NKTR: variants seen among roughly 807,000 people sequenced by gnomAD.
NKTR encodes natural killer cell triggering receptor, also known as NK-tumor recognition protein.
A neutral mutation model predicts 156.3 loss-of-function variants in NKTR; 67 were observed. The observed-to-expected ratio is 0.43, with a 90% confidence interval of 0.35 to 0.53. The LOEUF (loss-of-function observed/expected upper bound fraction) is 0.53. NKTR is among the 20% of genes least tolerant of loss of function. The pLI is 0.01. For missense variants in NKTR, 1,604 were observed against 1,730.9 expected (o/e 0.93, Z 1.30); for synonymous variants, 640 against 596.6 (o/e 1.07, Z -1.06).
chr3:42,627,963 CTGGAT>C, intron 6 of NKTR: 3 of 985,270 alleles, frequency 3.0e-6, no homozygotes, highest in Non-Finnish European at 3.6e-6. Flanking sequence ...ATTGAATAGT[CTGGAT>C]TGTGGATATT....
Position 42,601,029 on chromosome 3 carries a change from A to G in NKTR, c.23A>G (p.Gln8Arg). The G allele has an allele frequency of 6.3e-7, 1 of 1,581,342 alleles. No homozygotes were observed. The highest frequency in any genetic ancestry group is 8.6e-7 in the Non-Finnish European group (1 of 1,166,582). The stretch of plus-strand genomic sequence containing the variant: ...GCGATGGGGGCGCAGGACCGGCCGC[A>G]GTGCCACTTCGACATCGAGATCAAC... MGAQDRPQCHFDIEINRE... is the reference protein window; with the variant it reads MGAQDRPRCHFDIEINRE... The change falls in exon 2 of 17, where the codon CAG becomes CGG. Residue 8 changes from glutamine (Q) to arginine (R), a missense_variant. Transcript: ENST00000232978.
At chr3:42,605,454 A>G (rs1030447847) in intron 2 of NKTR, among the ~76,000 whole-genome samples, 2 of 152,242 alleles carry the variant, frequency 1.3e-5, no homozygotes, top group African/African-American at 4.8e-5. Flanking sequence ...AATTAGTCTT[A>G]AGAGGCGACA....
chr3:42,628,442 G>A (rs912824942), intron 6 of NKTR: 1 of 985,368 alleles, frequency 1.0e-6, no homozygotes, highest in Non-Finnish European at 1.2e-6. Flanking sequence ...CACTACTCTG[G>A]AATGTTTTAT....
Position 42,635,295 on chromosome 3 carries a change from C to T in NKTR, c.1092C>T (p.His364=). Residue 364 remains histidine (H), a synonymous_variant, in exon 12 of 17, where the codon CAC becomes CAT. Transcript: ENST00000232978. ...DDDDSSETPP[H]WKEEMQRLRA... ...ATGACAGCAGTGAAACTCCTCCTCA[C>T]TGGAAAGAGGAAATGCAGAGATTAA... 3.7e-6 allele frequency: 6 copies of T among 1,613,058 alleles called. No homozygotes were observed. Among genetic ancestry groups the T allele is most frequent in the Non-Finnish European group, 5.1e-6 (6 of 1,179,174 alleles).
chr3:42,620,178 T>G (rs1429125672), intron 5 of NKTR: 1 of 1,322,386 alleles, frequency 7.6e-7, no homozygotes, highest in African/African-American at 1.5e-5. Context: ...TTCTGTGTAT[T>G]ATTTCATACA....
chr3:42,606,301 G>A lies in NKTR; in HGVS notation c.58+5237G>A, dbSNP rs975266156. On this transcript the variant is annotated intron_variant, in intron 2 of 16. Transcript: ENST00000232978. ...ATAGTTATTTTTATATGTGATTTTCGATAATGCAGTGTTTCTTAAAATTCT... is the reference window on the plus strand; with the variant it reads ...ATAGTTATTTTTATATGTGATTTTCAATAATGCAGTGTTTCTTAAAATTCT... Among the ~76,000 whole-genome samples the A allele has an allele frequency of 1.4e-4, 22 of 152,160 alleles. No individual in the cohort carries two copies. The South Asian group carries it at 4.4e-3, about 30-fold the overall frequency.
rs1480067572 is a variant in NKTR, at chr3:42,631,256, C to T, written c.490C>T (p.Pro164Ser). ...ENLKTDAASR[P>S]YADVRVIDCG... ...TCTGAAGACCGATGCTGCAAGCAGA[C>T]CATATGCAGATGTGCGAGTTATTGA... Residue 164 changes from proline to serine, a missense_variant, in exon 8 of 17, where the codon CCA (proline) becomes TCA (serine). Coordinates refer to ENST00000232978, the MANE Select transcript of NKTR (RefSeq NM_005385.4). 6.2e-7 allele frequency: 1 copy of T among 1,613,964 alleles called. No individual in the cohort carries two copies. Among genetic ancestry groups the T allele is most frequent in the Non-Finnish European group, 8.5e-7 (1 of 1,179,958 alleles).
upstream of NKTR, chr3:42,600,626 T>G: frequency 3.8e-5 from 6 of 159,202 alleles, no homozygotes; most frequent in East Asian, 1.8e-4. Flanking sequence ...ACTCTCGCGG[T>G]ATTTGTCCCG....
In NKTR at chr3:42,639,464, G is replaced by A; in HGVS notation, c.3760G>A (p.Val1254Met). The A allele has an allele frequency of 6.2e-7, 1 of 1,614,226 alleles. No individual in the cohort carries two copies. The highest frequency in any genetic ancestry group is 8.5e-7 in the Non-Finnish European group (1 of 1,180,038). Residue 1254 changes from valine (V) to methionine (M), a missense_variant, in exon 13 of 17, where the codon GTG (valine) becomes ATG (methionine). Physicochemically the swap from Val to Met is conservative, Grantham distance 21 (BLOSUM62 1). Transcript: ENST00000232978. ...TGTGGAAGTTAAGGTGTTGACCACT[G>A]TGCCTGAAATGAAACCACAAGGCTT... ...SAVEVKVLTT[V>M]PEMKPQGLRI...
At chr3:42,607,969 CT>C (rs201803926) in intron 2 of NKTR, among the ~76,000 whole-genome samples, 16 of 74,938 alleles carry the variant, frequency 2.1e-4, no homozygotes, top group Admixed American at 5.2e-4. Context: ...CTGAGTCGCT[CT>C]TTTTTTTTTT....
chr3:42,642,439 T>C, intron 13 of NKTR, 62 bp from the exon 14 acceptor site: 2 of 1,280,332 alleles, frequency 1.6e-6, no homozygotes, highest in South Asian at 2.4e-5. Flanking sequence ...CTACCAGTAA[T>C]TAATTTTAAT....
chr3:42,638,482 C>T lies in NKTR; in HGVS notation c.2778C>T (p.His926=). 2 of 1,610,812 alleles carry T rather than the reference C, an allele frequency of 1.2e-6. No individual in the cohort carries two copies. Among genetic ancestry groups the T allele is most frequent in the Non-Finnish European group, 1.7e-6 (2 of 1,178,946 alleles). ...CTGAATCAGAGGTTAGTGAAATTCA[C>T]ATCAAAGTCAAACCCACAACCAAGT... The part of the protein sequence containing the change: ...SDSESEVSEI[H]IKVKPTTKSS... Residue 926 remains histidine, a synonymous_variant, in exon 13 of 17, where the codon CAC becomes CAT. Transcript: ENST00000232978.
At chr3:42,635,776 G>A (rs574059757) in intron 12 of NKTR, among the ~76,000 whole-genome samples, 291 of 152,142 alleles carry the variant, frequency 1.9e-3, no homozygotes, top group Non-Finnish European at 2.7e-3. Flanking sequence ...GCGTGGTGGC[G>A]GGTGCCTGTA....
At position 42,642,611 on chromosome 3, in the gene NKTR, T is replaced by C. The variant is rs756909093; in HGVS notation, c.4142+15T>C. ...AAAAGTCACAGGTGAGCTTGTGATC[T>C]CACCCTGTGATGTGGTCTCCATCAT... On this transcript the variant is annotated intron_variant, in intron 14 of 16. Coordinates refer to ENST00000232978, the MANE Select transcript of NKTR (RefSeq NM_005385.4). 2 of 1,593,434 alleles carry C rather than the reference T, an allele frequency of 1.3e-6. No individual in the cohort carries two copies. The highest frequency in any genetic ancestry group is 1.3e-5 in the African/African-American group (1 of 74,638).
At chr3:42,616,127 G>A (rs1048864378) in intron 2 of NKTR, among the ~76,000 whole-genome samples, 17 of 152,278 alleles carry the variant, frequency 1.1e-4, no homozygotes, top group African/African-American at 3.6e-4. Flanking sequence ...GGAACTGACC[G>A]ATATGGCCAG....
Position 42,637,179 on chromosome 3 carries a change from C to T in NKTR, c.1475C>T (p.Ser492Phe), listed in dbSNP as rs373971890. The change falls in exon 13 of 17, where the codon TCT becomes TTT. Residue 492 changes from serine to phenylalanine, a missense_variant. Coordinates refer to ENST00000232978, the MANE Select transcript of NKTR (RefSeq NM_005385.4). ...AGTTCTCGTTCTTCCTCATTGTCATCTCATCACTCATCAAAGAGAGACTGG... is the reference window on the plus strand; with the variant it reads ...AGTTCTCGTTCTTCCTCATTGTCATTTCATCACTCATCAAAGAGAGACTGG... ...ERSSRSSSLS[S>F]HHSSKRDWSK... 3.5e-5 allele frequency: 56 copies of T among 1,611,738 alleles called. No homozygotes were observed. The highest frequency in any genetic ancestry group is 4.6e-5 in the Non-Finnish European group (54 of 1,179,448).
At chr3:42,613,539 T>C (rs1183903855) in intron 2 of NKTR, among the ~76,000 whole-genome samples, 4 of 152,184 alleles carry the variant, frequency 2.6e-5, no homozygotes, top group African/African-American at 9.7e-5. Flanking sequence ...TGCTCACTTT[T>C]CCAACTACCA....
chr3:42,614,094 C>T lies in NKTR; in HGVS notation c.59-3476C>T, dbSNP rs191689849. On this transcript the variant is annotated intron_variant, in intron 2 of 16. Coordinates refer to ENST00000232978, the MANE Select transcript of NKTR (RefSeq NM_005385.4). ...AAGCACTGGTATTACAGTGCCCAGC[C>T]GGTATCAACTGATTCTAAAAGATTA... 5.9e-5 allele frequency among the ~76,000 whole-genome samples: 9 copies of T among 152,234 alleles called. No homozygotes were observed. The East Asian group carries it at 1.3e-3, about 23-fold the overall frequency.
chr3:42,613,176 G>A (rs1467526026), intron 2 of NKTR, among the ~76,000 whole-genome samples: 7 of 152,082 alleles, frequency 4.6e-5, no homozygotes, highest in Non-Finnish European at 4.4e-5. Flanking sequence ...TCATACTAAT[G>A]ATAGCTCATA....
Sources: gnomAD v4.1 joint callset for allele counts (sites outside exome capture counted in the v4.1 genomes callset) on GRCh38, gnomAD v4.1.1 for gene constraint, MANE v1.5 for transcripts, NCBI Gene and HGNC (gene_info 2026-07-23, HGNC 2026-07-21) for gene names.